Variants in PIP5K1C observed in about 807,000 individuals in gnomAD.
PIP5K1C encodes phosphatidylinositol 4-phosphate 5-kinase type-1 gamma.
PIP5K1C carries 45 observed loss-of-function variants against 80.1 expected under a neutral mutation model. That is an observed-to-expected ratio of 0.56 (90% CI 0.44 to 0.72). The LOEUF (loss-of-function observed/expected upper bound fraction) is 0.72, where lower values mean the gene tolerates loss of function less well. Ranked by LOEUF, PIP5K1C falls within the 30% of genes least tolerant of loss-of-function variation. PIP5K1C has a pLI of 0.00. For missense variants in PIP5K1C, 753 were observed against 954.6 expected (o/e 0.79, Z 2.78); for synonymous variants, 498 against 420.1 (o/e 1.19, Z -2.27).
chr19:3,680,597 C>T (rs534151985), intron 1 of PIP5K1C, among the ~76,000 whole-genome samples: 33 of 152,300 alleles, frequency 2.2e-4, no homozygotes, highest in African/African-American at 7.7e-4. Context: ...CCACCGCGCC[C>T]GGACTGTCTA....
Position 3,637,080 on chromosome 19 carries a change from C to T in PIP5K1C, c.1920+1804G>A, listed in dbSNP as rs973592518. 164 of 1,239,046 alleles carry T rather than the reference C, an allele frequency of 1.3e-4. No individual in the cohort carries two copies. The highest frequency in any genetic ancestry group is 1.5e-4 in the Non-Finnish European group (149 of 984,142). 76.8% of individuals were successfully genotyped at this position (1,239,046 alleles called of 1,614,324 possible). The stretch of plus-strand genomic sequence containing the variant: ...TCTCCTCCCCGTCTCCATGGCCCTG[C>T]GGTTCAGAGCCCGGCCCTGCAGCCA... On this transcript the variant is annotated intron_variant, in intron 16 of 17. Transcript: ENST00000335312. The surrounding 1 kb of genome is among the most constrained non-coding windows in gnomAD (Gnocchi z 7.0).
chr19:3,637,285 C>A lies in PIP5K1C; in HGVS notation c.1920+1599G>T. The A allele has an allele frequency of 6.7e-7, 1 of 1,490,028 alleles. No homozygotes were observed. Among genetic ancestry groups the A allele is most frequent in the Non-Finnish European group, 8.9e-7 (1 of 1,122,220 alleles). 92.3% of individuals were successfully genotyped at this position (1,490,028 alleles called of 1,614,324 possible). On this transcript the variant is annotated intron_variant, in intron 16 of 17. Coordinates refer to ENST00000335312, the MANE Select transcript of PIP5K1C (RefSeq NM_012398.3). The surrounding 1 kb of genome is among the most constrained non-coding windows in gnomAD (Gnocchi z 7.0). ...GCAGACCCTGGGCCTCAGCTGTGCACCTGGTGATGGTGCTGCCCTATGGAG... is the reference window on the plus strand; with the variant it reads ...GCAGACCCTGGGCCTCAGCTGTGCAACTGGTGATGGTGCTGCCCTATGGAG...
chr19:3,644,709 A>G (rs2034138628), intron 11 of PIP5K1C, among the ~76,000 whole-genome samples: 1 of 152,186 alleles, frequency 6.6e-6, no homozygotes, highest in Non-Finnish European at 1.5e-5. Context: ...ATCCAGGCTC[A>G]CCCGCTGGCT....
rs115152400 is a variant in PIP5K1C, at chr19:3,661,999, G to A, written c.222C>T (p.Thr74=). ...DASGETTYKK[T]TSSTLKGAIQ... is the part of the protein sequence containing the mutation. The stretch of plus-strand genomic sequence containing the variant: ...TGGCACCCTTCAGGGTGGAGGAGGT[G>A]GTCTGCAGGGAGACCAGAGTGTCAG... The change falls in exon 4 of 18, where the codon ACC becomes ACT. Residue 74 remains threonine (T), a splice_region_variant and synonymous_variant. Coordinates refer to ENST00000335312, the MANE Select transcript of PIP5K1C (RefSeq NM_012398.3). 71 of 1,591,582 alleles carry A rather than the reference G, an allele frequency of 4.5e-5. No individual in the cohort carries two copies. The East Asian group carries it at 1.5e-3, about 34-fold the overall frequency.
rs752193440 is a variant in PIP5K1C at position 3,633,535 on chromosome 19, C to G, written c.1921-15G>C. On this transcript the variant is annotated splice_polypyrimidine_tract_variant and intron_variant, in intron 16 of 17. Transcript: ENST00000335312. ...TCATCGGTGGGCTGGCAGGTGGGCG[C>G]GCGTGCAGGAGGGCGCGGAAGAGCA... The G allele has an allele frequency of 1.0e-4, 149 of 1,477,708 alleles. No individual in the cohort carries two copies. Among genetic ancestry groups the G allele is most frequent in the Non-Finnish European group, 1.3e-4 (145 of 1,108,416 alleles). 91.5% of individuals were successfully genotyped at this position (1,477,708 alleles called of 1,614,324 possible).
At chr19:3,664,935 G>A in intron 2 of PIP5K1C, 21 bp from the exon 3 acceptor site, 1 of 1,582,100 alleles carries the variant, frequency 6.3e-7, no homozygotes, top group Non-Finnish European at 8.7e-7. Context: ...GAAGCAGGAA[G>A]CGTTAACTCC....
At position 3,692,905 on chromosome 19, in the gene PIP5K1C, G is replaced by C. The variant is rs899970141; in HGVS notation, c.94+7392C>G. ...GAGCCTTTGCACAGTGCCTCTGCCA[G>C]ACAGCTCCCTCCACACTTCCACAAC... On this transcript the variant is annotated intron_variant, in intron 1 of 17. Transcript: ENST00000335312. This position sits in a 1 kb window ranked among gnomAD's most constrained non-coding sequence, Gnocchi z 5.2. Among the ~76,000 whole-genome samples the C allele has an allele frequency of 1.3e-5, 2 of 150,622 alleles. No homozygotes were observed. The highest frequency in any genetic ancestry group is 6.6e-5 in the Admixed American group (1 of 15,150).
Position 3,647,386 on chromosome 19 carries a change from C to T in PIP5K1C, c.1212G>A (p.Arg404=). ...IGIIDILQSY[R]FIKKLEHTWK... Reference sequence around the variant, plus strand: ...AGGTGTGCTCCAGTTTCTTGATGAACCTGTGGAGAGAGCACCCGGAGTGGC... The same window carrying T: ...AGGTGTGCTCCAGTTTCTTGATGAATCTGTGGAGAGAGCACCCGGAGTGGC... Residue 404 remains arginine, a splice_region_variant and synonymous_variant, in exon 10 of 18, where the codon AGG becomes AGA. Transcript: ENST00000335312. 1 of 1,582,624 alleles carries T rather than the reference C, an allele frequency of 6.3e-7. No homozygotes were observed. Among genetic ancestry groups the T allele is most frequent in the African/African-American group, 1.4e-5 (1 of 74,026 alleles).
At position 3,651,961 on chromosome 19, in the gene PIP5K1C, C is replaced by T. The variant is rs201265525; in HGVS notation, c.992G>A (p.Arg331His). Reference protein sequence around the residue: ...LGVHNIDQHERERQAQGAQST... With the variant: ...LGVHNIDQHEHERQAQGAQST... ...CTGGGCGCCCTGCGCCTGCCGCTCG[C>T]GCTCGTGCTGGTCGATGTTGTGCAC... is the stretch of plus-strand genomic sequence containing the variant. Residue 331 changes from arginine (R) to histidine (H), a missense_variant, in exon 8 of 18, where the codon CGC becomes CAC. Physicochemically the swap from Arg to His is conservative, Grantham distance 29. Transcript: ENST00000335312. The T allele has an allele frequency of 2.2e-5, 35 of 1,613,096 alleles. No homozygotes were observed. The highest frequency in any genetic ancestry group is 4.0e-5 in the African/African-American group (3 of 75,072).
chr19:3,632,927 G>A lies in PIP5K1C; in HGVS notation c.*240C>T, dbSNP rs1025100358. On this transcript the variant is annotated 3_prime_UTR_variant, in exon 18 of 18. Coordinates refer to ENST00000335312, the MANE Select transcript of PIP5K1C (RefSeq NM_012398.3). Reference sequence around the variant, plus strand: ...CTGTGCCAAATAAGGACTCAAATGCGATTGGCCGCTCGGGAGGGTGGGTCT... The same window carrying A: ...CTGTGCCAAATAAGGACTCAAATGCAATTGGCCGCTCGGGAGGGTGGGTCT... 2 of 527,644 alleles carry A rather than the reference G, an allele frequency of 3.8e-6. No homozygotes were observed. Among genetic ancestry groups the A allele is most frequent in the South Asian group, 2.7e-5 (1 of 37,224 alleles). 32.7% of individuals were successfully genotyped at this position (527,644 alleles called of 1,614,324 possible).
chr19:3,661,750 A>T, intron 4 of PIP5K1C, 121 bp downstream of exon 4: 1 of 1,203,638 alleles, frequency 8.3e-7, no homozygotes, highest in Non-Finnish European at 1.2e-6. Flanking sequence ...CTCAAGGCCA[A>T]GGAGGCGCCA....
intron 2 of PIP5K1C, among the ~76,000 whole-genome samples, chr19:3,665,494 G>C (rs544548770): frequency 2.0e-5 from 3 of 152,258 alleles, no homozygotes; most frequent in Admixed American, 1.3e-4. Context: ...GGAACAGAGC[G>C]GGGGTCAGGC....
chr19:3,694,375 C>A (rs1005451353), intron 1 of PIP5K1C, among the ~76,000 whole-genome samples: 18 of 152,296 alleles, frequency 1.2e-4, no homozygotes, highest in African/African-American at 4.3e-4. Context: ...TGCCTGCTCA[C>A]CCCACATCGG....
At chr19:3,698,580 G>A (rs1166079645) in intron 1 of PIP5K1C, among the ~76,000 whole-genome samples, 1 of 152,222 alleles carries the variant, frequency 6.6e-6, no homozygotes, top group African/African-American at 2.4e-5. Context: ...ACTTGTGGCT[G>A]TCACAACTGG....
intron 1 of PIP5K1C, among the ~76,000 whole-genome samples, chr19:3,667,595 G>C (rs756458884): frequency 6.6e-6 from 1 of 152,264 alleles, no homozygotes; most frequent in Non-Finnish European, 1.5e-5. Context: ...GCCTAGAGCA[G>C]GGGAGAGGCT....
chr19:3,650,202 G>A (rs954457888), intron 8 of PIP5K1C, among the ~76,000 whole-genome samples: 7 of 152,198 alleles, frequency 4.6e-5, no homozygotes, highest in African/African-American at 7.2e-5. Flanking sequence ...AGCCAGCACC[G>A]TCCCTGGGGC....
At position 3,696,034 on chromosome 19, in the gene PIP5K1C, C is replaced by T. The variant is rs1002161176; in HGVS notation, c.94+4263G>A. ...GTGTGAGCCACCGTGCCCGGCCTCC[C>T]TGACCTTTTTACACAGACCACCACA... On this transcript the variant is annotated intron_variant, in intron 1 of 17. Transcript: ENST00000335312. This position sits in a 1 kb window ranked among gnomAD's most constrained non-coding sequence, Gnocchi z 4.1. 1.3e-5 allele frequency among the ~76,000 whole-genome samples: 2 copies of T among 152,132 alleles called. No individual in the cohort carries two copies. The highest frequency in any genetic ancestry group is 4.8e-5 in the African/African-American group (2 of 41,432).
chr19:3,638,958 C>A lies in PIP5K1C; in HGVS notation c.1846G>T (p.Ala616Ser). 2 of 1,612,256 alleles carry A rather than the reference C, an allele frequency of 1.2e-6. No homozygotes were observed. The highest frequency in any genetic ancestry group is 1.7e-6 in the Non-Finnish European group (2 of 1,179,910). The change falls in exon 16 of 18, where the codon GCC (alanine) becomes TCC (serine). Residue 616 changes from alanine (A) to serine (S), a missense_variant. Transcript: ENST00000335312. ...AAVEVETASQ[A>S]SDEEGAPASQ... The stretch of plus-strand genomic sequence containing the variant: ...GCAGGTGCGCCCTCCTCGTCTGAGG[C>A]CTGGCTGGCAGTTTCTACTTCAACA...
chr19:3,687,231 A>G (rs2145594835), intron 1 of PIP5K1C, among the ~76,000 whole-genome samples: 1 of 152,046 alleles, frequency 6.6e-6, no homozygotes, highest in South Asian at 2.1e-4. Flanking sequence ...GCATGGTGGC[A>G]CATGCCTGTA....
Sources: allele counts gnomAD v4.1 joint callset (sites outside exome capture counted in the v4.1 genomes callset), GRCh38; gene constraint gnomAD v4.1.1; non-coding constraint Gnocchi (gnomAD v3.1); transcripts MANE v1.5; gene names NCBI Gene and HGNC (gene_info 2026-07-23, HGNC 2026-07-21).